NDRG1: variants seen among roughly 807,000 people sequenced by gnomAD.
The protein encoded by NDRG1 is protein NDRG1.
Under a neutral mutation model 56.9 loss-of-function variants are expected in NDRG1, and 32 were observed. The observed-to-expected ratio is 0.56, with a 90% CI of 0.42 to 0.76. The LOEUF is 0.76. Ranked by LOEUF, NDRG1 falls within the 30% of genes least tolerant of loss-of-function variation. The pLI, the probability that NDRG1 is intolerant of heterozygous loss-of-function variation, is 0.00. For missense variants in NDRG1, 507 were observed against 545.7 expected, an observed-to-expected ratio of 0.93 and a Z score of 0.71; for synonymous variants, 211 against 204.1, an observed-to-expected ratio of 1.03 and a Z score of -0.29.
At position 133,278,572 on chromosome 8, in the gene NDRG1, C is replaced by T. The variant is rs549433661; in HGVS notation, c.99+1660G>A. Among the ~76,000 whole-genome samples, 5 of 152,272 alleles carry T rather than the reference C, an allele frequency of 3.3e-5. No individual in the cohort carries two copies. In the South Asian group the frequency reaches 1.0e-3, roughly 32 times the overall value. On this transcript the variant is annotated intron_variant, in intron 3 of 15. Coordinates refer to ENST00000323851, the MANE Select transcript of NDRG1 (RefSeq NM_006096.4). ...GTGGTGCGGGAAGAACATGGGCTTC[C>T]TTCCTGGTCAGGCAGAGCTAGGTGT...
chr8:133,251,992 G>A (rs550388178), intron 9 of NDRG1, among the ~76,000 whole-genome samples: 5 of 152,356 alleles, frequency 3.3e-5, no homozygotes, highest in African/African-American at 1.2e-4. Flanking sequence ...GCAGTAAGAA[G>A]CAAGGACGAA....
chr8:133,243,317 G>A (rs1213318416), intron 14 of NDRG1, among the ~76,000 whole-genome samples: 1 of 152,210 alleles, frequency 6.6e-6, no homozygotes, highest in African/African-American at 2.4e-5. Context: ...ATGGTGGAGA[G>A]AACCAAGAAT....
At chr8:133,278,608 C>T (rs1417477273) in intron 3 of NDRG1, among the ~76,000 whole-genome samples, 1 of 152,108 alleles carries the variant, frequency 6.6e-6, no homozygotes, top group Non-Finnish European at 1.5e-5. Context: ...GGCTCCCAGT[C>T]CCTCCACTCT....
chr8:133,244,682 C>T (rs1855571319), intron 13 of NDRG1: 1 of 542,430 alleles, frequency 1.8e-6, no homozygotes. Flanking sequence ...GTACAGCTGT[C>T]CCATTTTACA....
At chr8:133,260,001 G>T (rs1856583099) in intron 5 of NDRG1, among the ~76,000 whole-genome samples, 2 of 152,226 alleles carry the variant, frequency 1.3e-5, no homozygotes, top group Non-Finnish European at 2.9e-5. Flanking sequence ...CCCGTATGGT[G>T]TGGCTCCACA....
chr8:133,239,334 CCAT>C, intron 15 of NDRG1: 1 of 732,362 alleles, frequency 1.4e-6, no homozygotes, highest in South Asian at 1.8e-5. Context: ...CGCAATCACA[CCAT>C]GAGTGACTTG....
chr8:133,249,929 G>T lies in NDRG1; in HGVS notation c.698+511C>A, dbSNP rs922728978. On this transcript the variant is annotated intron_variant, in intron 10 of 15. Transcript: ENST00000323851. The stretch of plus-strand genomic sequence containing the variant: ...ACAGAGTCTCTGGCTGACACCAATG[G>T]CCCTGAGCTGTCTCCTCCCCTAGCT... 2.0e-5 allele frequency among the ~76,000 whole-genome samples: 3 copies of T among 152,196 alleles called. No individual in the cohort carries two copies. The South Asian group carries it at 6.2e-4, about 31-fold the overall frequency.
intron 15 of NDRG1, chr8:133,240,335 T>C (rs1393043941): frequency 6.6e-6 from 1 of 152,230 alleles, no homozygotes; most frequent in Non-Finnish European, 1.5e-5. Flanking sequence ...GGGCTTATGT[T>C]ATCTCCTTGA....
chr8:133,244,445 C>T (rs377723230), intron 13 of NDRG1, 55 bp from the exon 14 acceptor site: 44 of 1,609,854 alleles, frequency 2.7e-5, no homozygotes, highest in African/African-American at 4.0e-5. Flanking sequence ...GCCCTCTGCG[C>T]TCTATGAATT....
chr8:133,283,242 C>T (rs1038549059), intron 2 of NDRG1, among the ~76,000 whole-genome samples: 3 of 152,208 alleles, frequency 2.0e-5, no homozygotes, highest in Admixed American at 1.3e-4. Flanking sequence ...AGTTGAAATA[C>T]GGTCGGCGGA....
chr8:133,264,732 C>CA, intron 3 of NDRG1, 80 bp from the exon 4 acceptor site: 1 of 1,218,284 alleles, frequency 8.2e-7, no homozygotes, highest in Non-Finnish European at 1.2e-6. Context: ...AGCCTGTTTC[C>CA]AACTGTGTTT....
rs1012543533 is a variant in NDRG1 at position 133,239,150 on chromosome 8, G to A, written c.944-31C>T. 5.2e-6 allele frequency: 8 copies of A among 1,550,044 alleles called. No homozygotes were observed. In the Admixed American group the frequency reaches 9.8e-5, roughly 19 times the overall value. The stretch of plus-strand genomic sequence containing the variant: ...GGAACAAGAGACAGCCGGTTAGAGG[G>A]CAGGAGACTGCCAGGTGAGGAGCCA... On this transcript the variant is annotated intron_variant, in intron 15 of 15. Coordinates refer to ENST00000323851, the MANE Select transcript of NDRG1 (RefSeq NM_006096.4).
In NDRG1 at chr8:133,242,066, C is replaced by T. The variant is rs1365117893; in HGVS notation, c.900G>A (p.Lys300=). Residue 300 remains lysine, a synonymous_variant, in exon 15 of 16, where the codon AAG becomes AAA. Transcript: ENST00000323851. Reference sequence around the variant, plus strand: ...CGAAGTACTTGAAGGCCTCAGCGAGCTTGGCCGGCTGCGAGAGACAAGGAG... The same window carrying T: ...CGAAGTACTTGAAGGCCTCAGCGAGTTTGGCCGGCTGCGAGAGACAAGGAG... ...GGLPQISQPA[K]LAEAFKYFVQ... The T allele has an allele frequency of 6.2e-7, 1 of 1,614,110 alleles. No individual in the cohort carries two copies. The highest frequency in any genetic ancestry group is 8.5e-7 in the Non-Finnish European group (1 of 1,180,042).
chr8:133,287,235 C>A (rs1267754203), intron 1 of NDRG1, among the ~76,000 whole-genome samples: 1 of 152,034 alleles, frequency 6.6e-6, no homozygotes, highest in Non-Finnish European at 1.5e-5. Flanking sequence ...GGGAAAGGGG[C>A]CTGAACCCCA....
chr8:133,271,642 T>C (rs1194567907), intron 3 of NDRG1, among the ~76,000 whole-genome samples: 1 of 151,632 alleles, frequency 6.6e-6, no homozygotes, highest in Non-Finnish European at 1.5e-5. Flanking sequence ...TAGCCAGGCA[T>C]GGTGGCTCAC....
intron 9 of NDRG1, among the ~76,000 whole-genome samples, chr8:133,253,391 G>T (rs1452505339): frequency 6.6e-6 from 1 of 152,208 alleles, no homozygotes; most frequent in Non-Finnish European, 1.5e-5. Context: ...CTCCCTGGTT[G>T]AGACCCTATG....
chr8:133,264,976 C>T (rs1313512100), intron 3 of NDRG1: 11 of 394,620 alleles, frequency 2.8e-5, no homozygotes, highest in Admixed American at 1.1e-4. Flanking sequence ...ATCAAGCCTG[C>T]GCTTCCTTGC....
chr8:133,286,826 C>A (rs2077318), intron 1 of NDRG1, among the ~76,000 whole-genome samples: 1,754 of 152,100 alleles, frequency 0.012, 26 homozygotes, highest in African/African-American at 0.035. Context: ...TGAAGTCTGC[C>A]GGGAGACTGG....
intron 1 of NDRG1, among the ~76,000 whole-genome samples, chr8:133,296,092 AG>A (rs1217856555): frequency 6.6e-6 from 1 of 152,154 alleles, no homozygotes; most frequent in Non-Finnish European, 1.5e-5. Flanking sequence ...GAGGCGTGAC[AG>A]CGTGTTTCCC....
Sources: gnomAD v4.1 joint callset for allele counts (sites outside exome capture counted in the v4.1 genomes callset) on GRCh38, gnomAD v4.1.1 for gene constraint, MANE v1.5 for transcripts, NCBI Gene and HGNC (gene_info 2026-07-23, HGNC 2026-07-21) for gene names.